LUZP1: variants seen among roughly 807,000 people sequenced by gnomAD.
The protein encoded by LUZP1 is filamin mechanobinding actin cross-linking protein.
In LUZP1, 25 loss-of-function variants were observed where a neutral mutation model predicts 71.3. That is an observed-to-expected ratio of 0.35 (90% CI 0.26 to 0.49). The LOEUF is 0.49. Ranked by LOEUF, LUZP1 falls within the 20% of genes least tolerant of loss-of-function variation. LUZP1 has a pLI of 0.99. For synonymous variants in LUZP1, 481 were observed against 506.4 expected (o/e 0.95, Z 0.67); for missense variants, 1,142 against 1,300.8 (o/e 0.88, Z 1.88).
intron 2 of LUZP1, among the ~76,000 whole-genome samples, chr1:23,141,718 C>T (rs1644304580): frequency 6.6e-6 from 1 of 152,084 alleles, no homozygotes; most frequent in Admixed American, 6.6e-5. Context: ...GTCCCAATGT[C>T]CCCCAGGCTA....
chr1:23,114,874 G>A (rs989087794), intron 2 of LUZP1, among the ~76,000 whole-genome samples: 4 of 152,130 alleles, frequency 2.6e-5, no homozygotes, highest in African/African-American at 9.7e-5. Flanking sequence ...AGCTTCATCA[G>A]TCAAACAAAA....
At chr1:23,086,023 A>G (rs1643759525) in exon 5 of LUZP1, 1 of 152,230 alleles carries the variant, frequency 6.6e-6, no homozygotes, top group Non-Finnish European at 1.5e-5. Context: ...CTGTCATAAA[A>G]GTGGGTTTGT....
chr1:23,125,826 A>G (rs539386362), intron 2 of LUZP1, among the ~76,000 whole-genome samples: 15 of 152,212 alleles, frequency 9.9e-5, no homozygotes, highest in South Asian at 4.1e-4. Context: ...TAAATAAGCA[A>G]GTACTTGCCT....
intron 3 of LUZP1, among the ~76,000 whole-genome samples, chr1:23,106,604 C>CA (rs1557643774): frequency 6.6e-6 from 1 of 151,588 alleles, no homozygotes; most frequent in Non-Finnish European, 1.5e-5. Context: ...GACCCTGTCT[C>CA]AAAAAACAAA....
chr1:23,112,364 G>A (rs970900256), intron 2 of LUZP1, among the ~76,000 whole-genome samples: 1 of 152,196 alleles, frequency 6.6e-6, no homozygotes, highest in African/African-American at 2.4e-5. Flanking sequence ...GTGGTAGTAT[G>A]TGTGTACGTG....
chr1:23,155,120 T>TAA (rs1366706916), intron 2 of LUZP1, among the ~76,000 whole-genome samples: 1 of 152,192 alleles, frequency 6.6e-6, no homozygotes, highest in Non-Finnish European at 1.5e-5. Flanking sequence ...GCAAGAAGCA[T>TAA]AAAAACTGGT....
chr1:23,108,267 C>T (rs149096605), intron 3 of LUZP1, among the ~76,000 whole-genome samples: 15 of 152,346 alleles, frequency 9.8e-5, no homozygotes, highest in Non-Finnish European at 2.2e-4. Context: ...AAATCAGTCA[C>T]AGCCTCAACC....
intron 2 of LUZP1, chr1:23,140,458 G>A (rs961464813): frequency 6.6e-6 from 1 of 152,258 alleles, no homozygotes; most frequent in Admixed American, 6.5e-5. Context: ...GGGAGCTGGT[G>A]GTGCTAATGG....
intron 2 of LUZP1, among the ~76,000 whole-genome samples, chr1:23,113,411 C>G (rs1022469153): frequency 6.6e-6 from 1 of 151,058 alleles, no homozygotes; most frequent in African/African-American, 2.4e-5. Flanking sequence ...TGTCTCAAAA[C>G]AAAACAAAAC....
intron 2 of LUZP1, among the ~76,000 whole-genome samples, chr1:23,129,553 C>T (rs1644198146): frequency 6.6e-6 from 1 of 152,150 alleles, no homozygotes; most frequent in Non-Finnish European, 1.5e-5. Flanking sequence ...TGCACTCCAC[C>T]TTGAGCAATA....
At chr1:23,177,080 G>T (rs538872060) in intron 1 of LUZP1, among the ~76,000 whole-genome samples, 1 of 151,482 alleles carries the variant, frequency 6.6e-6, no homozygotes, top group Non-Finnish European at 1.5e-5. Flanking sequence ...TGATGGGGGG[G>T]GGGTCTCACT....
At chr1:23,128,994 A>C (rs918160969) in intron 2 of LUZP1, among the ~76,000 whole-genome samples, 1 of 152,256 alleles carries the variant, frequency 6.6e-6, no homozygotes, top group Non-Finnish European at 1.5e-5. Flanking sequence ...AAGAGAAAAT[A>C]AACAGAAAAT....
intron 2 of LUZP1, among the ~76,000 whole-genome samples, chr1:23,135,570 A>C (rs952357806): frequency 1.3e-5 from 2 of 152,348 alleles, no homozygotes; most frequent in African/African-American, 4.8e-5. Context: ...ACTGGAATAC[A>C]TCATTTTAAT....
chr1:23,142,747 ACACAG>A (rs1405669458), intron 2 of LUZP1, among the ~76,000 whole-genome samples: 2 of 143,404 alleles, frequency 1.4e-5, no homozygotes, highest in Non-Finnish European at 3.1e-5. Context: ...ACACACACAC[ACACAG>A]ATTTTTGACA....
intron 3 of LUZP1, among the ~76,000 whole-genome samples, chr1:23,098,822 A>AATT (rs1643910501): frequency 6.6e-6 from 1 of 152,176 alleles, no homozygotes; most frequent in Non-Finnish European, 1.5e-5. Flanking sequence ...AAACAACTGA[A>AATT]ATTGGGCCTG....
At chr1:23,091,277 A>G in exon 4 of LUZP1, 1 of 1,614,058 alleles carries the variant, frequency 6.2e-7, no homozygotes, top group East Asian at 2.2e-5. Context: ...CAGTGAGGCT[A>G]CTTTGGGTCC....
At chr1:23,095,511 T>C (rs1436359538) in intron 3 of LUZP1, among the ~76,000 whole-genome samples, 2 of 152,166 alleles carry the variant, frequency 1.3e-5, no homozygotes, top group Non-Finnish European at 2.9e-5. Context: ...CTGTCCTTCT[T>C]AGGGTCTTGC....
At chr1:23,087,323 C>G (rs897010617) in exon 5 of LUZP1, 1 of 152,140 alleles carries the variant, frequency 6.6e-6, no homozygotes, top group South Asian at 2.1e-4. Context: ...AGGGAAGAAC[C>G]CACACGGATG....
chr1:23,145,690 C>T (rs1484339889), intron 2 of LUZP1, among the ~76,000 whole-genome samples: 1 of 151,980 alleles, frequency 6.6e-6, no homozygotes, highest in Non-Finnish European at 1.5e-5. Context: ...AGGCTGGTCT[C>T]GAACTCCTGA....
Sources: allele counts gnomAD v4.1 joint callset (sites outside exome capture counted in the v4.1 genomes callset), GRCh38; gene constraint gnomAD v4.1.1; transcripts MANE v1.5; gene names NCBI Gene and HGNC (gene_info 2026-07-23, HGNC 2026-07-21).